Variants in EPHA3 observed in about 807,000 individuals in gnomAD.
EPHA3 encodes EPH receptor A3.
EPHA3 carries 42 observed loss-of-function variants against 107.1 expected under a neutral mutation model. That is an observed-to-expected ratio of 0.39 (90% CI 0.31 to 0.51). The LOEUF (loss-of-function observed/expected upper bound fraction) is 0.51, where lower values mean the gene tolerates loss of function less well. EPHA3 is among the 20% of genes least tolerant of loss of function. EPHA3 has a pLI of 0.78. For synonymous variants in EPHA3, 461 were observed against 424.8 expected (o/e 1.09, Z -1.05); for missense variants, 1,183 against 1,211.2 (o/e 0.98, Z 0.35).
chr3:89,211,731 CTTCTTCTTCTCCTTCTTCTTCT>C (rs1704096228), intron 3 of EPHA3, among the ~76,000 whole-genome samples: 1 of 10,322 alleles, frequency 9.7e-5, no homozygotes, highest in Non-Finnish European at 2.6e-4. Flanking sequence ...TCTTTTTCTT[CTTCTTCTTCTCCTTCTTCTTCT>C]TCTTCTTCTT....
At chr3:89,351,841 T>C (rs1348269972) in intron 5 of EPHA3, among the ~76,000 whole-genome samples, 3 of 150,678 alleles carry the variant, frequency 2.0e-5, no homozygotes, top group African/African-American at 4.8e-5. Context: ...CCAGTTTCTA[T>C]TTATAATAAT....
At chr3:89,112,036 G>T (rs1707121637) in intron 1 of EPHA3, among the ~76,000 whole-genome samples, 1 of 151,976 alleles carries the variant, frequency 6.6e-6, no homozygotes, top group Non-Finnish European at 1.5e-5. Flanking sequence ...AAGGTTAAAA[G>T]TTAGTTGGAT....
At chr3:89,253,311 T>C (rs1705206533) in intron 3 of EPHA3, among the ~76,000 whole-genome samples, 1 of 152,122 alleles carries the variant, frequency 6.6e-6, no homozygotes, top group South Asian at 2.1e-4. Context: ...TGGGAAACTC[T>C]TGAGATTTTC....
chr3:89,262,883 T>C (rs1405044098), intron 3 of EPHA3, among the ~76,000 whole-genome samples: 1 of 150,582 alleles, frequency 6.6e-6, no homozygotes, highest in East Asian at 2.0e-4. Context: ...CTGCAGGAGC[T>C]AACTCCGTTC....
At chr3:89,393,048 A>G (rs1708776623) in intron 5 of EPHA3, among the ~76,000 whole-genome samples, 1 of 152,172 alleles carries the variant, frequency 6.6e-6, no homozygotes, top group Non-Finnish European at 1.5e-5. Context: ...TAAAATATTG[A>G]TGAGTATTAA....
At chr3:89,128,303 G>A (rs564920250) in intron 2 of EPHA3, among the ~76,000 whole-genome samples, 12 of 152,132 alleles carry the variant, frequency 7.9e-5, no homozygotes, top group Non-Finnish European at 1.6e-4. Context: ...GACACACCTT[G>A]ACTTTGACAA....
chr3:89,374,713 A>G (rs62275018), intron 5 of EPHA3, among the ~76,000 whole-genome samples: 38,878 of 151,290 alleles, frequency 0.26, 5,190 homozygotes, highest in African/African-American at 0.28. Context: ...GCCAATTGTC[A>G]TGATACATCT....
intron 3 of EPHA3, among the ~76,000 whole-genome samples, chr3:89,303,420 G>A (rs1706536520): frequency 7.3e-6 from 1 of 136,202 alleles, no homozygotes; most frequent in Non-Finnish European, 1.6e-5. Context: ...ATCTTAAAAT[G>A]CAAAACCTGA....
intron 3 of EPHA3, among the ~76,000 whole-genome samples, chr3:89,237,227 C>T (rs1164799929): frequency 6.6e-6 from 1 of 152,150 alleles, no homozygotes; most frequent in Non-Finnish European, 1.5e-5. Context: ...CAAAAATCAA[C>T]CTGGTGTGAT....
At chr3:89,355,701 T>C (rs1388468512) in intron 5 of EPHA3, among the ~76,000 whole-genome samples, 1 of 150,772 alleles carries the variant, frequency 6.6e-6, no homozygotes, top group East Asian at 1.9e-4. Flanking sequence ...TGAGAGAGCA[T>C]TTGTGACTGG....
chr3:89,218,945 A>C (rs1704284269), intron 3 of EPHA3, among the ~76,000 whole-genome samples: 1 of 152,192 alleles, frequency 6.6e-6, no homozygotes, highest in Non-Finnish European at 1.5e-5. Context: ...ATCTAGAACT[A>C]GAAGCATCTT....
chr3:89,421,711 A>T (rs1158880576), intron 11 of EPHA3, among the ~76,000 whole-genome samples: 1 of 151,224 alleles, frequency 6.6e-6, no homozygotes, highest in Non-Finnish European at 1.5e-5. Context: ...GTTTCCTATA[A>T]ATGCATTTAC....
Position 89,353,318 on chromosome 3 carries a change from G to A in EPHA3, c.1306+11228G>A, listed in dbSNP as rs553219751. ...AGACATTTTTCAGCGCCAATGTAGC[G>A]AATCGGAAACTGTAAACATAATGAA... On this transcript the variant is annotated intron_variant, in intron 5 of 16. Coordinates refer to ENST00000336596, the MANE Select transcript of EPHA3 (RefSeq NM_005233.6). Among the ~76,000 whole-genome samples, 20 of 151,328 alleles carry A rather than the reference G, an allele frequency of 1.3e-4. No individual in the cohort carries two copies. The South Asian group carries it at 2.7e-3, about 20-fold the overall frequency.
chr3:89,231,819 A>AT (rs1191803177), intron 3 of EPHA3, among the ~76,000 whole-genome samples: 1 of 152,230 alleles, frequency 6.6e-6, no homozygotes, highest in Non-Finnish European at 1.5e-5. Context: ...GTCTTCAGAA[A>AT]TGATGACCCA....
intron 2 of EPHA3, among the ~76,000 whole-genome samples, chr3:89,168,537 A>G (rs1375246208): frequency 6.6e-6 from 1 of 152,082 alleles, no homozygotes; most frequent in Non-Finnish European, 1.5e-5. Flanking sequence ...TTAAACTATG[A>G]TATTCTAAAA....
chr3:89,372,504 C>T (rs1434599138), intron 5 of EPHA3, among the ~76,000 whole-genome samples: 2 of 151,360 alleles, frequency 1.3e-5, no homozygotes, highest in Non-Finnish European at 3.0e-5. Flanking sequence ...GCATATGTGC[C>T]ACTTCTAGGA....
At chr3:89,384,314 A>G (rs889347889) in intron 5 of EPHA3, among the ~76,000 whole-genome samples, 3 of 152,220 alleles carry the variant, frequency 2.0e-5, no homozygotes, top group African/African-American at 7.2e-5. Context: ...AATTCCATCA[A>G]AGTTAATGTT....
intron 2 of EPHA3, among the ~76,000 whole-genome samples, chr3:89,131,434 T>A (rs573602734): frequency 6.6e-6 from 1 of 152,332 alleles, no homozygotes; most frequent in African/African-American, 2.4e-5. Context: ...ATGACTTAAA[T>A]TGATTGTACT....
chr3:89,435,528 A>C (rs1227565238), intron 13 of EPHA3, among the ~76,000 whole-genome samples: 1 of 146,292 alleles, frequency 6.8e-6, no homozygotes, highest in Non-Finnish European at 1.5e-5. Flanking sequence ...ATATCTATAT[A>C]AATACTATAT....
Sources: allele counts gnomAD v4.1 joint callset (sites outside exome capture counted in the v4.1 genomes callset), GRCh38; gene constraint gnomAD v4.1.1; transcripts MANE v1.5; gene names NCBI Gene and HGNC (gene_info 2026-07-23, HGNC 2026-07-21).